Variants in GINM1 observed in about 807,000 individuals in gnomAD.
The protein encoded by GINM1 is glycoprotein integral membrane protein 1.
GINM1 carries 29 observed loss-of-function variants against 37.8 expected under a neutral mutation model. The ratio of observed to expected loss-of-function variants is 0.77; its 90% CI spans 0.57 to 1.05. The LOEUF is 1.05. Ranked by LOEUF, GINM1 falls within the 50% of genes least tolerant of loss-of-function variation. The pLI, the probability that GINM1 is intolerant of heterozygous loss-of-function variation, is 0.00. For synonymous variants in GINM1, 143 were observed against 146.2 expected (o/e 0.98, Z 0.16); for missense variants, 377 against 397.9 (o/e 0.95, Z 0.45).
intron 1 of GINM1, among the ~76,000 whole-genome samples, chr6:149,570,200 A>G (rs1777797329): frequency 1.8e-5 from 2 of 110,428 alleles, no homozygotes; most frequent in South Asian, 3.2e-4. Context: ...ATATATATAA[A>G]GTTCAGTAAC....
chr6:149,567,722 G>T (rs1269784982), intron 1 of GINM1, among the ~76,000 whole-genome samples: 1 of 152,198 alleles, frequency 6.6e-6, no homozygotes, highest in African/African-American at 2.4e-5. Flanking sequence ...TGATGAGCAT[G>T]TCTCAGTTCT....
intron 3 of GINM1, among the ~76,000 whole-genome samples, chr6:149,575,849 C>T (rs780775625): frequency 1.3e-5 from 2 of 152,134 alleles, no homozygotes; most frequent in African/African-American, 2.4e-5. Flanking sequence ...TCTCTTATGG[C>T]CATCTTTTAG....
chr6:149,589,552 C>T (rs1016112019), intron 7 of GINM1, among the ~76,000 whole-genome samples: 6 of 152,056 alleles, frequency 3.9e-5, no homozygotes, highest in Middle Eastern at 3.2e-3. Flanking sequence ...GGATTACAGG[C>T]ATGAGCCACT....
rs753416345 is a variant in GINM1 at position 149,572,583 on chromosome 6, T to A, written c.257T>A (p.Ile86Lys). The A allele has an allele frequency of 6.3e-7, 1 of 1,592,004 alleles. No homozygotes were observed. The highest frequency in any genetic ancestry group is 1.3e-5 in the African/African-American group (1 of 74,426). ...CCTGTAAATAGTGGTGTAACCCGAA[T>A]AAGCTGTCAGACTTTGATAGGTGAG... Reference protein sequence around the residue: ...DLPVNSGVTRISCQTLIVKNE... With the variant: ...DLPVNSGVTRKSCQTLIVKNE... The change falls in exon 3 of 8, where the codon ATA (isoleucine) becomes AAA (lysine). Residue 86 changes from isoleucine (I) to lysine (K), a missense_variant. Ile to Lys is a moderately radical substitution (Grantham distance 102). Coordinates refer to ENST00000367419, the MANE Select transcript of GINM1 (RefSeq NM_138785.5).
At chr6:149,579,075 G>T in intron 4 of GINM1, 102 bp downstream of exon 4, 1 of 663,574 alleles carries the variant, frequency 1.5e-6, no homozygotes, top group East Asian at 3.0e-5. Context: ...ACTTGATAAG[G>T]AAGGTGCCTA....
At chr6:149,576,786 T>C (rs1777921304) in intron 3 of GINM1, among the ~76,000 whole-genome samples, 1 of 152,202 alleles carries the variant, frequency 6.6e-6, no homozygotes, top group East Asian at 1.9e-4. Context: ...TTGTTGTTTT[T>C]TATTTAATTT....
chr6:149,587,387 C>T (rs1778085377), intron 7 of GINM1, among the ~76,000 whole-genome samples: 2 of 152,114 alleles, frequency 1.3e-5, no homozygotes, highest in Admixed American at 6.5e-5. Flanking sequence ...ACAAGACTGC[C>T]CCCCTTCAGA....
chr6:149,571,144 G>A (rs1277928682), intron 1 of GINM1, among the ~76,000 whole-genome samples: 2 of 151,780 alleles, frequency 1.3e-5, no homozygotes, highest in Non-Finnish European at 2.9e-5. Flanking sequence ...TGAAACCCCC[G>A]TCTCTACTAA....
At chr6:149,585,814 G>C (rs1469452547) in intron 7 of GINM1, among the ~76,000 whole-genome samples, 2 of 152,114 alleles carry the variant, frequency 1.3e-5, no homozygotes. Flanking sequence ...GGATGGTCTT[G>C]ATCCCCTGAC....
intron 3 of GINM1, among the ~76,000 whole-genome samples, chr6:149,578,545 AAAGAAT>A (rs1443707841): frequency 6.6e-6 from 1 of 151,788 alleles, no homozygotes; most frequent in East Asian, 1.9e-4. Flanking sequence ...AAAAAAAAAA[AAAGAAT>A]AGGAAAGATG....
intron 3 of GINM1, among the ~76,000 whole-genome samples, chr6:149,574,644 C>T (rs1777887151): frequency 6.6e-6 from 1 of 152,124 alleles, no homozygotes; most frequent in African/African-American, 2.4e-5. Flanking sequence ...ATTCCCAGCC[C>T]TTTGGGAGGC....
At chr6:149,577,126 G>A (rs1254354300) in intron 3 of GINM1, among the ~76,000 whole-genome samples, 2 of 152,230 alleles carry the variant, frequency 1.3e-5, no homozygotes, top group Admixed American at 1.3e-4. Flanking sequence ...CCAACATTGG[G>A]AATTACATCT....
At chr6:149,580,856 T>C in intron 6 of GINM1, 133 bp downstream of exon 6, 1 of 676,930 alleles carries the variant, frequency 1.5e-6, no homozygotes, top group Non-Finnish European at 2.4e-6. Context: ...CTCATCTTGG[T>C]CTTAATGTGA....
In GINM1 at chr6:149,582,464, T is replaced by C; in HGVS notation, c.742T>C (p.Phe248Leu). The change falls in exon 7 of 8, where the codon TTT becomes CTT. Residue 248 changes from phenylalanine to leucine, a missense_variant. Transcript: ENST00000367419. ...GGTAATGTGTCAGTGGATGGAAAAG[T>C]TTAGAAAAGATCTGTGTAGGTTCTG... is the stretch of plus-strand genomic sequence containing the variant. The part of the protein sequence containing the change: ...YKVMCQWMEK[F>L]RKDLCRFWSN... The C allele has an allele frequency of 6.2e-7, 1 of 1,607,416 alleles. No homozygotes were observed.
At chr6:149,581,703 C>T (rs557707385) in intron 6 of GINM1, among the ~76,000 whole-genome samples, 66 of 152,304 alleles carry the variant, frequency 4.3e-4, no homozygotes, top group African/African-American at 1.6e-3. Context: ...TTCATGGGTT[C>T]AGAGAGTATC....
intron 3 of GINM1, among the ~76,000 whole-genome samples, chr6:149,578,525 C>CAA (rs145601764): frequency 9.1e-4 from 65 of 71,150 alleles, no homozygotes; most frequent in Middle Eastern, 0.013. Context: ...GACTCCATCT[C>CAA]AAAAAAAAAA....
chr6:149,583,057 G>A (rs1315066381), intron 7 of GINM1, among the ~76,000 whole-genome samples: 2 of 152,116 alleles, frequency 1.3e-5, no homozygotes, highest in African/African-American at 2.4e-5. Context: ...GGCTGGGCAC[G>A]GTGGCTCATG....
Position 149,578,856 on chromosome 6 carries a change from AG to A in GINM1, c.313del (p.Glu105AsnfsTer8). 1 of 1,588,152 alleles carries A rather than the reference AG, an allele frequency of 6.3e-7. No homozygotes were observed. Among genetic ancestry groups the A allele is most frequent in the South Asian group, 1.2e-5 (1 of 86,846 alleles). ...NENLENLEEK[E>X]YFGIVSVRIL... ...AAAATCTTGAAAATTTGGAGGAAAA[AG>A]AATATTTTGGAATTGTCAGTGTAAG... On this transcript the variant is annotated frameshift_variant, in exon 4 of 8. Coordinates refer to ENST00000367419, the MANE Select transcript of GINM1 (RefSeq NM_138785.5). LOFTEE classifies it high-confidence loss of function.
In GINM1 at chr6:149,569,584, C is replaced by T. The variant is rs554206213; in HGVS notation, c.121-2701C>T. Among the ~76,000 whole-genome samples, 8 of 152,086 alleles carry T rather than the reference C, an allele frequency of 5.3e-5. No homozygotes were observed. The South Asian group carries it at 1.2e-3, about 24-fold the overall frequency. On this transcript the variant is annotated intron_variant, in intron 1 of 7. Coordinates refer to ENST00000367419, the MANE Select transcript of GINM1 (RefSeq NM_138785.5). ...AACTCCTGACCTCAGGTGATCCACCCGCCTCAGCCTCCCAAAGTGCTAGGA... is the reference window on the plus strand; with the variant it reads ...AACTCCTGACCTCAGGTGATCCACCTGCCTCAGCCTCCCAAAGTGCTAGGA...
Sources: gnomAD v4.1 joint callset for allele counts (sites outside exome capture counted in the v4.1 genomes callset) on GRCh38, gnomAD v4.1.1 for gene constraint, MANE v1.5 for transcripts, NCBI Gene and HGNC (gene_info 2026-07-23, HGNC 2026-07-21) for gene names.